The following CASP4 variants were observed in gnomAD, a reference collection of about 807,000 sequenced individuals.
The protein encoded by CASP4 is caspase 4.
CASP4 carries 29 observed loss-of-function variants against 41.3 expected under a neutral mutation model. The ratio of observed to expected loss-of-function variants is 0.70; its 90% CI spans 0.52 to 0.96. CASP4 has a LOEUF of 0.96. Ranked by LOEUF, CASP4 falls within the 40% of genes least tolerant of loss-of-function variation. The pLI is 0.00. For synonymous variants in CASP4, 185 were observed against 158.4 expected (o/e 1.17, Z -1.26); for missense variants, 447 against 460.6 (o/e 0.97, Z 0.27).
At chr11:104,967,071 A>C (rs1860991002) in intron 1 of CASP4, among the ~76,000 whole-genome samples, 2 of 152,196 alleles carry the variant, frequency 1.3e-5, no homozygotes, top group Admixed American at 1.3e-4. Flanking sequence ...AGAGGAAAAA[A>C]CTTATCAGGA....
chr11:104,966,110 G>A (rs72978977), intron 1 of CASP4, among the ~76,000 whole-genome samples: 5,418 of 152,252 alleles, frequency 0.036, 136 homozygotes, highest in South Asian at 0.1. Flanking sequence ...ACCCTCTCCA[G>A]AACAGCCGGA....
At chr11:104,947,595 A>C in intron 6 of CASP4, 1 of 153,284 alleles carries the variant, frequency 6.5e-6, no homozygotes, top group Non-Finnish European at 1.5e-5. Context: ...GTGAGTAAGC[A>C]ACAAAAAATT....
At chr11:104,951,198 T>G in intron 3 of CASP4, 100 bp from the exon 4 acceptor site, 1 of 977,976 alleles carries the variant, frequency 1.0e-6, no homozygotes, top group Non-Finnish European at 1.5e-6. Context: ...ATGCAGCTCC[T>G]CTCTGCTCTA....
At chr11:104,957,875 T>A (rs192006602) in intron 1 of CASP4, among the ~76,000 whole-genome samples, 1 of 151,890 alleles carries the variant, frequency 6.6e-6, no homozygotes, top group Non-Finnish European at 1.5e-5. Context: ...CATCGCACTA[T>A]CTGAGTTCAA....
In CASP4 at chr11:104,954,817, C is replaced by G; in HGVS notation, c.192G>C (p.Lys64Asn). Reference protein sequence around the residue: ...VRVMADSMQEKQRMAGQMLLQ... With the variant: ...VRVMADSMQENQRMAGQMLLQ... ...GAAGCATTTGTCCTGCCATACGTTG[C>G]TTCTCTTGCATAGAGTCTGCCATGA... is the stretch of plus-strand genomic sequence containing the variant. The change falls in exon 2 of 9, where the codon AAG becomes AAC. Residue 64 changes from lysine to asparagine, a missense_variant. Lys to Asn is a moderately conservative substitution (Grantham distance 94, BLOSUM62 0). Coordinates refer to ENST00000444739, the MANE Select transcript of CASP4 (RefSeq NM_001225.4). 6.2e-7 allele frequency: 1 copy of G among 1,613,758 alleles called. No homozygotes were observed. Among genetic ancestry groups the G allele is most frequent in the Non-Finnish European group, 8.5e-7 (1 of 1,179,732 alleles).
At chr11:104,958,682 C>G (rs1860790828) in intron 1 of CASP4, among the ~76,000 whole-genome samples, 1 of 151,772 alleles carries the variant, frequency 6.6e-6, no homozygotes, top group Admixed American at 6.6e-5. Flanking sequence ...TAAATTAGGC[C>G]CTGCGCAGTG....
At chr11:104,950,027 T>C (rs973961302) in intron 4 of CASP4, among the ~76,000 whole-genome samples, 1 of 152,180 alleles carries the variant, frequency 6.6e-6, no homozygotes, top group Non-Finnish European at 1.5e-5. Flanking sequence ...GTGTTACTCA[T>C]GTTACTTTTT....
rs143207509 is a variant in CASP4, at chr11:104,951,921, C to T, written c.347G>A (p.Arg116Lys). The change falls in exon 3 of 9, where the codon AGA becomes AAA. Residue 116 changes from arginine (R) to lysine (K), a missense_variant. Transcript: ENST00000444739. ...LKLCPHEEFL[R>K]LCKERAEEIY... is the part of the protein sequence containing the mutation. Reference sequence around the variant, plus strand: ...CTCTTCAGCTCTTTCTTTACATAGTCTCAGGAATTCTTCATGAGGACAAAG... The same window carrying T: ...CTCTTCAGCTCTTTCTTTACATAGTTTCAGGAATTCTTCATGAGGACAAAG... The T allele has an allele frequency of 1.2e-6, 2 of 1,611,670 alleles. No individual in the cohort carries two copies. The highest frequency in any genetic ancestry group is 1.7e-5 in the Admixed American group (1 of 59,896).
At chr11:104,950,350 C>T (rs1860577024) in intron 4 of CASP4, among the ~76,000 whole-genome samples, 1 of 152,144 alleles carries the variant, frequency 6.6e-6, no homozygotes, top group Admixed American at 6.5e-5. Flanking sequence ...TGCTCCCCAC[C>T]CTACAATTCT....
chr11:104,956,537 A>G (rs1860741709), intron 1 of CASP4: 2 of 397,010 alleles, frequency 5.0e-6, no homozygotes, highest in South Asian at 1.1e-4. Flanking sequence ...GGGAACAAGA[A>G]TTGAAATCTA....
intron 1 of CASP4, among the ~76,000 whole-genome samples, 192 bp downstream of exon 1, chr11:104,968,327 T>C (rs1861020105): frequency 6.6e-6 from 1 of 152,206 alleles, no homozygotes; most frequent in South Asian, 2.1e-4. Context: ...CTCAAAGACA[T>C]CTGGAAAACA....
At chr11:104,958,960 C>CAAAAAAAAAAAAAAAAAAAAAAA (rs56678254) in intron 1 of CASP4, among the ~76,000 whole-genome samples, 1 of 62,466 alleles carries the variant, frequency 1.6e-5, no homozygotes, top group Non-Finnish European at 2.9e-5. Flanking sequence ...GACTCTGTCT[C>CAAAAAAAAAAAAAAAAAAAAAAA]AAAAAAAAAA....
chr11:104,944,364 CTCTCTGTGTG>C (rs1034527134), intron 8 of CASP4: 20 of 100,984 alleles, frequency 2.0e-4, no homozygotes, highest in African/African-American at 5.0e-4. Context: ...CTCTCTCTCT[CTCTCTGTGTG>C]TGTGTGTGTG....
chr11:104,954,973 C>G lies in CASP4; in HGVS notation c.36G>C (p.Lys12Asn). ...AEGNHRKKPL[K>N]VLESLGKDFL... The stretch of plus-strand genomic sequence containing the variant: ...AATCTTTGCCCAGGGATTCCAACAC[C>G]TTAAGTGGCTTTTTTCTGTGGTTGC... The change falls in exon 2 of 9, where the codon AAG becomes AAC. Residue 12 changes from lysine (K) to asparagine (N), a missense_variant. Lys to Asn is a moderately conservative substitution (Grantham distance 94). Transcript: ENST00000444739. 6.2e-7 allele frequency: 1 copy of G among 1,613,302 alleles called. No individual in the cohort carries two copies. Among genetic ancestry groups the G allele is most frequent in the Non-Finnish European group, 8.5e-7 (1 of 1,179,638 alleles).
intron 1 of CASP4, among the ~76,000 whole-genome samples, chr11:104,962,042 TA>T (rs1305020967): frequency 1.3e-5 from 2 of 152,206 alleles, no homozygotes; most frequent in Non-Finnish European, 2.9e-5. Context: ...ACGAGGTGAC[TA>T]GTGTCTGTTT....
At chr11:104,964,915 A>T (rs1297354239) in intron 1 of CASP4, among the ~76,000 whole-genome samples, 1 of 152,220 alleles carries the variant, frequency 6.6e-6, no homozygotes, top group Non-Finnish European at 1.5e-5. Context: ...CTAAATAAAA[A>T]ATAATTATTC....
chr11:104,951,977 A>G lies in CASP4; in HGVS notation c.291T>C (p.Pro97=), dbSNP rs767124554. The G allele has an allele frequency of 1.2e-6, 2 of 1,612,330 alleles. No homozygotes were observed. ...KAHPNMEAGP[P]ESGESTDALK... is the part of the protein sequence containing the mutation. ...GGGCATCTGTAGATTCTCCTGACTC[A>G]GGTGGTCCAGCCTCCATATTCGGAT... is the stretch of plus-strand genomic sequence containing the variant. Residue 97 remains proline, a synonymous_variant, in exon 3 of 9, where the codon CCT becomes CCC. Transcript: ENST00000444739.
Position 104,948,777 on chromosome 11 carries a change from C to T in CASP4, c.782-101G>A, listed in dbSNP as rs1374640323. The T allele has an allele frequency of 3.0e-6, 3 of 1,005,526 alleles. No homozygotes were observed. The African/African-American group carries it at 4.9e-5, about 17-fold the overall frequency. 62.3% of individuals were successfully genotyped at this position (1,005,526 alleles called of 1,614,324 possible). A position where few individuals can be genotyped will look rare whatever the true frequency, so the allele number is the denominator to read the frequency against. On this transcript the variant is annotated intron_variant, in intron 5 of 8. Coordinates refer to ENST00000444739, the MANE Select transcript of CASP4 (RefSeq NM_001225.4). ...TTTGAATGTTCATTCTTACTAGTTT[C>T]ATACATACAGACCCACACACATACA...
At chr11:104,958,449 T>C (rs1860783756) in intron 1 of CASP4, among the ~76,000 whole-genome samples, 1 of 152,030 alleles carries the variant, frequency 6.6e-6, no homozygotes, top group Non-Finnish European at 1.5e-5. Flanking sequence ...AATAAACTGA[T>C]TTAGAAATAA....
Sources: allele counts gnomAD v4.1 joint callset (sites outside exome capture counted in the v4.1 genomes callset), GRCh38; gene constraint gnomAD v4.1.1; transcripts MANE v1.5; gene names NCBI Gene and HGNC (gene_info 2026-07-23, HGNC 2026-07-21).